The following DHX8 variants were observed in gnomAD, a reference collection of about 807,000 sequenced individuals.
DHX8 encodes the protein DEAH-box helicase 8.
DHX8 carries 67 observed loss-of-function variants against 140.7 expected under a neutral mutation model. The observed-to-expected ratio is 0.48, with a 90% confidence interval of 0.39 to 0.58. The LOEUF (loss-of-function observed/expected upper bound fraction) is 0.58. DHX8 is among the 20% of genes least tolerant of loss of function. DHX8 has a pLI of 0.00. For synonymous variants in DHX8, 533 were observed against 553.2 expected, an observed-to-expected ratio of 0.96 and a Z score of 0.51; for missense variants, 887 against 1,550.7, an observed-to-expected ratio of 0.57 and a Z score of 7.19.
At chr17:43,491,847 G>A (rs1968537232) in intron 4 of DHX8, among the ~76,000 whole-genome samples, 1 of 152,132 alleles carries the variant, frequency 6.6e-6, no homozygotes, top group Non-Finnish European at 1.5e-5. Flanking sequence ...TGGGGGTAGG[G>A]AGGAAGAGTG....
chr17:43,518,669 G>A (rs1424034498), intron 18 of DHX8: 1 of 152,098 alleles, frequency 6.6e-6, no homozygotes, highest in Admixed American at 6.5e-5. Flanking sequence ...CATTCAAGAT[G>A]TTGTACAACC....
chr17:43,513,235 T>C, intron 16 of DHX8, 127 bp from the exon 17 acceptor site: 1 of 1,039,684 alleles, frequency 9.6e-7, no homozygotes, highest in Non-Finnish European at 1.3e-6. Flanking sequence ...TTAAGTGTCA[T>C]TTTAACCGTC....
intron 2 of DHX8, among the ~76,000 whole-genome samples, chr17:43,534,345 T>G (rs779070792): frequency 4.0e-5 from 6 of 151,122 alleles, no homozygotes; most frequent in Non-Finnish European, 8.9e-5. Context: ...CAAAAAAAAA[T>G]TAGCCGGGGA....
rs778391111 is a variant in DHX8 at position 43,493,043 on chromosome 17, A to G, written c.863+3A>G. ...TTTGTGCAGCTGGAAGGACTAAGGTAATGACTGGTGCTCTTTTGTTCACAC... is the reference window on the plus strand; with the variant it reads ...TTTGTGCAGCTGGAAGGACTAAGGTGATGACTGGTGCTCTTTTGTTCACAC... On this transcript the variant is annotated splice_donor_region_variant and intron_variant, in intron 6 of 22. Transcript: ENST00000262415. 5.0e-6 allele frequency: 8 copies of G among 1,610,402 alleles called. No individual in the cohort carries two copies. Among genetic ancestry groups the G allele is most frequent in the Non-Finnish European group, 8.5e-7 (1 of 1,177,024 alleles).
intron 2 of DHX8, among the ~76,000 whole-genome samples, chr17:43,535,726 C>T (rs1971206791): frequency 6.6e-6 from 1 of 152,212 alleles, no homozygotes; most frequent in Admixed American, 6.5e-5. Flanking sequence ...TAGCACCCCA[C>T]CCTCAACTGT....
downstream of DHX8, chr17:43,530,195 AG>A (rs954615547): frequency 3.2e-6 from 5 of 1,553,188 alleles, no homozygotes; most frequent in African/African-American, 6.8e-5. Context: ...TGGGGGAAGA[AG>A]GGGTGATGTG....
intron 22 of DHX8, 92 bp from the exon 23 acceptor site, chr17:43,523,536 T>G (rs1970492467): frequency 6.4e-7 from 1 of 1,554,552 alleles, no homozygotes; most frequent in South Asian, 1.2e-5. Context: ...TAGTATAAAA[T>G]GTAAGCTCAG....
chr17:43,534,116 ATTTTC>A, intron 2 of DHX8: 1 of 968,546 alleles, frequency 1.0e-6, no homozygotes, highest in Non-Finnish European at 1.4e-6. Flanking sequence ...CTGGGTATCA[ATTTTC>A]TGAGACCCGC....
chr17:43,541,658 G>A (rs1450040197), intron 3 of DHX8, among the ~76,000 whole-genome samples: 3 of 152,040 alleles, frequency 2.0e-5, no homozygotes, highest in East Asian at 1.9e-4. Context: ...ACATATGCTC[G>A]GTCACCCTCT....
rs577955994 is a variant in DHX8 at position 43,498,154 on chromosome 17, T to G, written c.1301-708T>G. 7.2e-4 allele frequency among the ~76,000 whole-genome samples: 110 copies of G among 152,086 alleles called. 3 individuals are homozygous for G. The South Asian group carries it at 0.022, about 30-fold the overall frequency. On this transcript the variant is annotated intron_variant, in intron 9 of 22. Coordinates refer to ENST00000262415, the MANE Select transcript of DHX8 (RefSeq NM_004941.3). Reference sequence around the variant, plus strand: ...CCTGGGAAGGTGTTTTTTTTTTTTTTTTAATTTGAGACGGGGTTTCGTTCT... The same window carrying G: ...CCTGGGAAGGTGTTTTTTTTTTTTTGTTAATTTGAGACGGGGTTTCGTTCT...
chr17:43,543,661 A>T (rs1346869312), intron 3 of DHX8, among the ~76,000 whole-genome samples: 4 of 152,134 alleles, frequency 2.6e-5, no homozygotes, highest in African/African-American at 9.7e-5. Context: ...AAGGATGGGG[A>T]GACGGGGCAA....
intron 17 of DHX8, among the ~76,000 whole-genome samples, chr17:43,515,612 G>T (rs1198562062): frequency 6.6e-6 from 1 of 152,210 alleles, no homozygotes; most frequent in Non-Finnish European, 1.5e-5. Flanking sequence ...GCACAGAGGG[G>T]TTAGGTGATT....
intron 1 of DHX8, among the ~76,000 whole-genome samples, chr17:43,484,469 A>G (rs1968007101): frequency 6.6e-6 from 1 of 152,134 alleles, no homozygotes; most frequent in Non-Finnish European, 1.5e-5. Context: ...CATGTTTAAC[A>G]ACAACAGCAG....
intron 2 of DHX8, chr17:43,533,003 T>C: frequency 6.6e-7 from 1 of 1,522,276 alleles, no homozygotes; most frequent in South Asian, 1.3e-5. Flanking sequence ...CTCGAGCCTG[T>C]TACTCCTAGG....
At chr17:43,505,344 G>A (rs1293516648) in intron 12 of DHX8, among the ~76,000 whole-genome samples, 1 of 152,106 alleles carries the variant, frequency 6.6e-6, no homozygotes, top group African/African-American at 2.4e-5. Context: ...GGGAGTCGGA[G>A]GTTGCAGTGA....
At chr17:43,511,456 ATTTTT>A (rs71160045) in intron 16 of DHX8, among the ~76,000 whole-genome samples, 6 of 56,790 alleles carry the variant, frequency 1.1e-4, no homozygotes, top group East Asian at 7.1e-4. Flanking sequence ...TGATCCCAGC[ATTTTT>A]TTTTTTTTTT....
At position 43,525,063 on chromosome 17, in the gene DHX8, G is replaced by A; in HGVS notation, c.*1216G>A. The A allele has an allele frequency of 1.0e-6, 1 of 985,414 alleles. No homozygotes were observed. 61.0% of individuals were successfully genotyped at this position (985,414 alleles called of 1,614,324 possible). On this transcript the variant is annotated 3_prime_UTR_variant, in exon 23 of 23. Transcript: ENST00000262415. ...CCTGCCTCTGCCTCCCAAAGCGCTG[G>A]GATTACAGTTGAGAGCCACTGTCCT...
chr17:43,512,661 G>A (rs999346190), intron 16 of DHX8, among the ~76,000 whole-genome samples: 1 of 152,170 alleles, frequency 6.6e-6, no homozygotes, highest in African/African-American at 2.4e-5. Context: ...GCAGGTAGAA[G>A]CCTTTCAGGA....
rs1283700519 is a variant in DHX8, at chr17:43,504,639, T to A, written c.1547-5T>A. ...CAATACTAAGTTGCCTGTTTTCCTT[T>A]CCAGCGGAAGGCAGACAGATTGCTG... On this transcript the variant is annotated splice_region_variant and splice_polypyrimidine_tract_variant and intron_variant, in intron 11 of 22. Coordinates refer to ENST00000262415, the MANE Select transcript of DHX8 (RefSeq NM_004941.3). The A allele has an allele frequency of 6.2e-7, 1 of 1,604,800 alleles. No individual in the cohort carries two copies. The highest frequency in any genetic ancestry group is 8.5e-7 in the Non-Finnish European group (1 of 1,176,446).
Sources: gnomAD v4.1 joint callset for allele counts (sites outside exome capture counted in the v4.1 genomes callset) on GRCh38, gnomAD v4.1.1 for gene constraint, MANE v1.5 for transcripts, NCBI Gene and HGNC (gene_info 2026-07-23, HGNC 2026-07-21) for gene names.